The following ANXA8 variants were observed in gnomAD, a reference collection of about 807,000 sequenced individuals.
ANXA8 encodes VAC-beta.
A neutral mutation model predicts 26.8 loss-of-function variants in ANXA8; 9 were observed. The observed-to-expected ratio is 0.34, with a 90% CI of 0.20 to 0.59. The LOEUF is 0.59. Ranked by LOEUF, ANXA8 falls within the 20% of genes least tolerant of loss-of-function variation. The pLI is 0.84. For missense variants in ANXA8, 83 were observed against 238.5 expected, an observed-to-expected ratio of 0.35 and a Z score of 4.29; for synonymous variants, 39 against 94.8, an observed-to-expected ratio of 0.41 and a Z score of 3.42.
chr10:47,722,885 G>A, the ANXA8 span, among the ~76,000 whole-genome samples: 1 of 142,256 alleles, frequency 7.0e-6, no homozygotes, highest in Non-Finnish European at 1.5e-5. Flanking sequence ...GAAGCGGTAG[G>A]AATAAAAAGA....
At chr10:47,502,532 AC>A in the ANXA8 span, 1 of 1,612,892 alleles carries the variant, frequency 6.2e-7, no homozygotes, top group South Asian at 1.1e-5. Context: ...CCAATAGATG[AC>A]ATAACCTTCC....
chr10:47,626,024 A>G, the ANXA8 span, among the ~76,000 whole-genome samples: 1 of 150,394 alleles, frequency 6.6e-6, no homozygotes, highest in Non-Finnish European at 1.5e-5. Context: ...TCCCAGGTTC[A>G]TCCGTGTTGT....
At chr10:47,475,191 C>T (rs1214082170) in intron 6 of ANXA8, among the ~76,000 whole-genome samples, 187 bp from the exon 7 acceptor site, 5 of 147,768 alleles carry the variant, frequency 3.4e-5, no homozygotes, top group Admixed American at 2.0e-4. Flanking sequence ...GTAAGGACTG[C>T]CTCATAAGGC....
the ANXA8 span, among the ~76,000 whole-genome samples, chr10:47,684,430 G>T: frequency 2.6e-5 from 4 of 151,320 alleles, no homozygotes; most frequent in Non-Finnish European, 5.9e-5. Flanking sequence ...TTTTGGGGGG[G>T]GGGTGAGGAG....
the ANXA8 span, among the ~76,000 whole-genome samples, chr10:47,944,755 G>A: frequency 1.3e-5 from 2 of 150,498 alleles, no homozygotes; most frequent in South Asian, 4.2e-4. Context: ...CTCCAGCCAT[G>A]TGGAACTGTG....
chr10:47,669,936 C>T, the ANXA8 span, among the ~76,000 whole-genome samples: 3 of 151,688 alleles, frequency 2.0e-5, no homozygotes, highest in African/African-American at 7.3e-5. Flanking sequence ...CAATGTTTTA[C>T]AGCCATCACT....
chr10:47,676,965 A>G, the ANXA8 span, among the ~76,000 whole-genome samples: 34 of 130,968 alleles, frequency 2.6e-4, no homozygotes, highest in African/African-American at 1.1e-3. Context: ...GTTAAATACA[A>G]TGGGATGACA....
the ANXA8 span, among the ~76,000 whole-genome samples, chr10:47,661,139 T>C: frequency 7.8e-6 from 1 of 128,128 alleles, no homozygotes; most frequent in Non-Finnish European, 1.6e-5. Flanking sequence ...TAGTGATAAG[T>C]GGAAAGGAGG....
the ANXA8 span, among the ~76,000 whole-genome samples, chr10:47,499,113 A>G: frequency 7.3e-6 from 1 of 137,034 alleles, no homozygotes; most frequent in Non-Finnish European, 1.5e-5. Context: ...AAAAATAAAA[A>G]ATAAAAAATA....
the ANXA8 span, among the ~76,000 whole-genome samples, chr10:47,653,414 C>A: frequency 6.6e-6 from 1 of 151,140 alleles, no homozygotes; most frequent in Non-Finnish European, 1.5e-5. Context: ...AACTGAATAG[C>A]CAAAATATAT....
the ANXA8 span, among the ~76,000 whole-genome samples, chr10:47,712,804 TTTG>T: frequency 0.18 from 356 of 2,018 alleles, 1 homozygote; most frequent in Middle Eastern, 0.33. Flanking sequence ...TTTTTTTTTG[TTTG>T]TTTGAGACAG....
the ANXA8 span, chr10:47,715,576 A>G: frequency 1.4e-6 from 2 of 1,472,102 alleles, no homozygotes; most frequent in Admixed American, 3.9e-5. Context: ...AATCAGATCA[A>G]TCTATTTAAT....
the ANXA8 span, among the ~76,000 whole-genome samples, chr10:47,711,309 T>C: frequency 1.3e-5 from 2 of 150,260 alleles, no homozygotes; most frequent in Non-Finnish European, 2.9e-5. Context: ...TAAAATAGTA[T>C]AGTGTCTTCC....
At chr10:47,755,182 C>G in the ANXA8 span, among the ~76,000 whole-genome samples, 1 of 151,550 alleles carries the variant, frequency 6.6e-6, no homozygotes, top group Non-Finnish European at 1.5e-5. Flanking sequence ...GTCTTGATCT[C>G]TTGATGTCGT....
chr10:47,699,344 C>CAAAAAAAAAAA, the ANXA8 span, among the ~76,000 whole-genome samples: 1 of 54,198 alleles, frequency 1.8e-5, no homozygotes, highest in Non-Finnish European at 3.4e-5. Flanking sequence ...ATTCTGTCTC[C>CAAAAAAAAAAA]AAAAAAAAAA....
chr10:47,699,478 A>G, the ANXA8 span, among the ~76,000 whole-genome samples: 1 of 151,596 alleles, frequency 6.6e-6, no homozygotes, highest in African/African-American at 2.4e-5. Flanking sequence ...AAGTTAAAAC[A>G]AATTTAAATA....
the ANXA8 span, among the ~76,000 whole-genome samples, chr10:47,988,792 C>A: frequency 6.6e-6 from 1 of 151,772 alleles, no homozygotes; most frequent in East Asian, 1.9e-4. Flanking sequence ...CTCAGGCTCG[C>A]TGGCTACTAG....
At chr10:47,944,454 G>A in the ANXA8 span, among the ~76,000 whole-genome samples, 2 of 149,832 alleles carry the variant, frequency 1.3e-5, no homozygotes, top group Non-Finnish European at 3.0e-5. Context: ...AGGACAGACT[G>A]TGCTGAAAGG....
the ANXA8 span, among the ~76,000 whole-genome samples, chr10:47,777,811 G>T: frequency 6.6e-6 from 1 of 151,842 alleles, no homozygotes; most frequent in African/African-American, 2.4e-5. Context: ...TAGAGAGAAG[G>T]TCTTGCTGTG....
Sources: allele counts gnomAD v4.1 joint callset (sites outside exome capture counted in the v4.1 genomes callset), GRCh38; gene constraint gnomAD v4.1.1; transcripts MANE v1.5; gene names NCBI Gene and HGNC (gene_info 2026-07-23, HGNC 2026-07-21).